Variants in REEP3 observed in about 807,000 individuals in gnomAD.
REEP3 encodes the protein receptor expression-enhancing protein 3.
In REEP3, 20 loss-of-function variants were observed where a neutral mutation model predicts 41.3. That is an observed-to-expected ratio of 0.48 (90% CI 0.34 to 0.70). The LOEUF (loss-of-function observed/expected upper bound fraction) is 0.70. Among genes scored for constraint, REEP3 ranks in the 30% least tolerant of loss-of-function variants. The probability of loss-of-function intolerance (pLI) is 0.01; values close to 1 mark genes in which losing one functional copy is unlikely to be tolerated. For synonymous variants in REEP3, 104 were observed against 101.8 expected, an observed-to-expected ratio of 1.02 and a Z score of -0.13; for missense variants, 271 against 308.8, an observed-to-expected ratio of 0.88 and a Z score of 0.92.
intron 3 of REEP3, 97 bp from the exon 4 acceptor site, chr10:63,597,927 A>T (rs1445075467): frequency 9.0e-7 from 1 of 1,108,338 alleles, no homozygotes; most frequent in East Asian, 2.5e-5. Flanking sequence ...AAAACAAAAA[A>T]CAGCATAGTG....
intron 1 of REEP3, among the ~76,000 whole-genome samples, chr10:63,544,434 A>G (rs575399945): frequency 6.6e-6 from 1 of 152,346 alleles, no homozygotes; most frequent in Admixed American, 6.5e-5. Context: ...GGACATGGGA[A>G]CAGATATGAA....
chr10:63,553,930 G>A (rs956865520), intron 1 of REEP3, among the ~76,000 whole-genome samples: 4 of 151,978 alleles, frequency 2.6e-5, no homozygotes, highest in South Asian at 4.1e-4. Flanking sequence ...GTAAAACCAC[G>A]TCTCTACTAA....
chr10:63,536,756 G>C (rs894693536), intron 1 of REEP3, among the ~76,000 whole-genome samples: 1 of 152,092 alleles, frequency 6.6e-6, no homozygotes. Flanking sequence ...TAAAAAGATA[G>C]ACAAAACTCA....
intron 1 of REEP3, among the ~76,000 whole-genome samples, chr10:63,550,781 A>T (rs1955621981): frequency 6.6e-6 from 1 of 152,224 alleles, no homozygotes; most frequent in South Asian, 2.1e-4. Flanking sequence ...GACCTCAGGT[A>T]GTATCTACTA....
At chr10:63,537,357 G>A (rs1589858410) in intron 1 of REEP3, among the ~76,000 whole-genome samples, 1 of 152,054 alleles carries the variant, frequency 6.6e-6, no homozygotes, top group Non-Finnish European at 1.5e-5. Flanking sequence ...TATATATTTA[G>A]CAAGTCTATT....
chr10:63,578,604 G>A (rs879681654), intron 2 of REEP3, among the ~76,000 whole-genome samples: 8 of 151,782 alleles, frequency 5.3e-5, no homozygotes, highest in African/African-American at 1.7e-4. Context: ...GTAAAACCCC[G>A]TCTCTACCAA....
intron 1 of REEP3, among the ~76,000 whole-genome samples, chr10:63,552,123 G>T (rs1386152348): frequency 6.6e-6 from 1 of 152,032 alleles, no homozygotes; most frequent in African/African-American, 2.4e-5. Context: ...ACAGCACTGG[G>T]GCCGGGCACA....
intron 6 of REEP3, among the ~76,000 whole-genome samples, chr10:63,618,852 T>C (rs1312597562): frequency 6.6e-6 from 1 of 152,252 alleles, no homozygotes; most frequent in Non-Finnish European, 1.5e-5. Flanking sequence ...AGAGTTTTCG[T>C]CCTTGAGGCC....
chr10:63,580,926 C>T (rs1955948581), intron 2 of REEP3, among the ~76,000 whole-genome samples: 1 of 152,142 alleles, frequency 6.6e-6, no homozygotes, highest in Admixed American at 6.5e-5. Context: ...ACAAGAGAAT[C>T]ACCTGAGCCC....
chr10:63,530,326 T>C (rs1955408543), intron 1 of REEP3, among the ~76,000 whole-genome samples: 1 of 152,186 alleles, frequency 6.6e-6, no homozygotes, highest in Non-Finnish European at 1.5e-5. Flanking sequence ...TAGGTTAAGG[T>C]AGATTTTGTC....
chr10:63,555,020 C>T (rs550490767), intron 1 of REEP3, among the ~76,000 whole-genome samples: 1 of 152,190 alleles, frequency 6.6e-6, no homozygotes, highest in Non-Finnish European at 1.5e-5. Flanking sequence ...CCTCTAGTTT[C>T]ATCTTTACCT....
At chr10:63,545,769 C>G (rs997407757) in intron 1 of REEP3, among the ~76,000 whole-genome samples, 2 of 147,600 alleles carry the variant, frequency 1.4e-5, no homozygotes, top group African/African-American at 5.0e-5. Flanking sequence ...CTCACTGCAA[C>G]CTCTGCCTCC....
chr10:63,610,592 T>A (rs1956270459), intron 6 of REEP3, among the ~76,000 whole-genome samples: 1 of 152,038 alleles, frequency 6.6e-6, no homozygotes, highest in Non-Finnish European at 1.5e-5. Context: ...AATATATATA[T>A]ATACACGTAT....
Position 63,589,204 on chromosome 10 carries a change from A to G in REEP3, c.106-5574A>G, listed in dbSNP as rs189910010. ...AAATGGAGTGACCAGTTAGGATGCC[A>G]CTGAAATAATCCAGACAGGAGGTGA... is the stretch of plus-strand genomic sequence containing the variant. On this transcript the variant is annotated intron_variant, in intron 2 of 7. Transcript: ENST00000373758. Among the ~76,000 whole-genome samples, 7 of 152,336 alleles carry G rather than the reference A, an allele frequency of 4.6e-5. No homozygotes were observed. In the East Asian group the frequency reaches 9.6e-4, roughly 21 times the overall value.
At chr10:63,590,556 C>T (rs1956051906) in intron 2 of REEP3, among the ~76,000 whole-genome samples, 2 of 151,730 alleles carry the variant, frequency 1.3e-5, no homozygotes, top group African/African-American at 4.8e-5. Flanking sequence ...TAGTTATCGA[C>T]TAGGCTACAT....
intron 2 of REEP3, among the ~76,000 whole-genome samples, chr10:63,584,116 C>T (rs545909492): frequency 6.6e-5 from 10 of 152,170 alleles, no homozygotes; most frequent in Non-Finnish European, 1.3e-4. Flanking sequence ...CAGAGGTATC[C>T]ATTTCTATAT....
intron 1 of REEP3, among the ~76,000 whole-genome samples, chr10:63,525,048 G>C (rs1043648081): frequency 6.6e-6 from 1 of 151,872 alleles, no homozygotes; most frequent in Admixed American, 6.6e-5. Flanking sequence ...GATTAAATTA[G>C]TTTAACTAAA....
intron 1 of REEP3, among the ~76,000 whole-genome samples, chr10:63,523,119 T>A (rs1198527034): frequency 6.6e-6 from 1 of 151,950 alleles, no homozygotes; most frequent in Non-Finnish European, 1.5e-5. Context: ...TAATTGCCAA[T>A]GAATATGAAT....
At chr10:63,612,660 G>A (rs183496630) in intron 6 of REEP3, among the ~76,000 whole-genome samples, 17 of 152,076 alleles carry the variant, frequency 1.1e-4, no homozygotes, top group Admixed American at 1.1e-3. Context: ...GTGTGGTGGT[G>A]TATGCCTGCA....
Sources: gnomAD v4.1 joint callset for allele counts (sites outside exome capture counted in the v4.1 genomes callset) on GRCh38, gnomAD v4.1.1 for gene constraint, MANE v1.5 for transcripts, NCBI Gene and HGNC (gene_info 2026-07-23, HGNC 2026-07-21) for gene names.